The following EP400 variants were observed in gnomAD, a reference collection of about 807,000 sequenced individuals.
EP400 encodes the protein E1A-binding protein p400.
Under a neutral mutation model 354.1 loss-of-function variants are expected in EP400, and 105 were observed. That is an observed-to-expected ratio of 0.30 (90% CI 0.25 to 0.35). The LOEUF (loss-of-function observed/expected upper bound fraction) is 0.35, where lower values mean the gene tolerates loss of function less well. EP400 is among the 10% of genes least tolerant of loss of function. The pLI is 1.00. For synonymous variants in EP400, 1,646 were observed against 1,716.9 expected, an observed-to-expected ratio of 0.96 and a Z score of 1.02; for missense variants, 3,280 against 4,121.0, an observed-to-expected ratio of 0.80 and a Z score of 5.59.
rs759072190 is a variant in EP400 at position 132,053,260 on chromosome 12, A to C, written c.7473+36A>C. 4 of 1,611,792 alleles carry C rather than the reference A, an allele frequency of 2.5e-6. No individual in the cohort carries two copies. The African/African-American group carries it at 5.4e-5, about 22-fold the overall frequency. On this transcript the variant is annotated intron_variant, in intron 42 of 52. Transcript: ENST00000389561. Reference sequence around the variant, plus strand: ...TGGGCCCTTCTGCTTGAGTGGGAAAATGTGGTGACTGTGACTTCATCCAGG... The same window carrying C: ...TGGGCCCTTCTGCTTGAGTGGGAAACTGTGGTGACTGTGACTTCATCCAGG...
In EP400 at chr12:132,067,949, A is replaced by C. The variant is rs6598198; in HGVS notation, c.8874+463A>C. On this transcript the variant is annotated intron_variant, in intron 50 of 52. Transcript: ENST00000389561. This position sits in a 1 kb window ranked among gnomAD's most constrained non-coding sequence, Gnocchi z 5.3. ...CATGTTGGTGGTGAAAGGGGAGATA[A>C]ACACGCCAGGGCCCGACGTGGATGG... 6.3e-6 allele frequency: 1 copy of C among 158,234 alleles called. No homozygotes were observed. 9.8% of individuals were successfully genotyped at this position (158,234 alleles called of 1,614,324 possible).
intron 27 of EP400, 26 bp downstream of exon 27, chr12:132,028,314 G>T: frequency 6.2e-7 from 1 of 1,603,504 alleles, no homozygotes; most frequent in African/African-American, 1.3e-5. Context: ...TGACCTTTTC[G>T]GTGCTCTCTG....
chr12:131,996,550 CG>C (rs1206620693), intron 12 of EP400, among the ~76,000 whole-genome samples: 1 of 152,036 alleles, frequency 6.6e-6, no homozygotes, highest in Non-Finnish European at 1.5e-5. Flanking sequence ...CTCAGCCTCC[CG>C]AAGTGCTGGG....
At chr12:132,030,363 C>T (rs568552631) in intron 29 of EP400, among the ~76,000 whole-genome samples, 1 of 152,296 alleles carries the variant, frequency 6.6e-6, no homozygotes, top group South Asian at 2.1e-4. Context: ...GTCTTGATGT[C>T]TCAGAATAAA....
Position 132,067,525 on chromosome 12 carries a change from C to T in EP400, c.8874+39C>T. The T allele has an allele frequency of 6.3e-7, 1 of 1,591,302 alleles. No homozygotes were observed. Among genetic ancestry groups the T allele is most frequent in the Non-Finnish European group, 8.5e-7 (1 of 1,170,616 alleles). On this transcript the variant is annotated intron_variant, in intron 50 of 52. Transcript: ENST00000389561. The surrounding 1 kb of genome is among the most constrained non-coding windows in gnomAD (Gnocchi z 5.3). Reference sequence around the variant, plus strand: ...GGGATTCTCACTTCTGGGTCTATGCCAAGCCAAAGCTGGCTGCTGGAGGAG... The same window carrying T: ...GGGATTCTCACTTCTGGGTCTATGCTAAGCCAAAGCTGGCTGCTGGAGGAG...
rs35977219 is a variant in EP400, at chr12:131,967,150, G to C, written c.1335+5196G>C. Among the ~76,000 whole-genome samples the C allele has an allele frequency of 1.0e-4, 15 of 150,558 alleles. 1 individual carries two copies. Among genetic ancestry groups the C allele is most frequent in the African/African-American group, 3.4e-4 (14 of 40,958 alleles). The stretch of plus-strand genomic sequence containing the variant: ...ATTCCAGCACTTTGGGAGGCCGAAG[G>C]GGGGCGGATCACTTGAGGTCAGGAG... On this transcript the variant is annotated intron_variant, in intron 2 of 52. Coordinates refer to ENST00000389561, the MANE Select transcript of EP400 (RefSeq NM_015409.5).
At chr12:131,969,239 A>T (rs1441572666) in intron 2 of EP400, among the ~76,000 whole-genome samples, 1 of 152,154 alleles carries the variant, frequency 6.6e-6, no homozygotes, top group Non-Finnish European at 1.5e-5. Context: ...AAATACATCT[A>T]TTGACAGTGA....
intron 2 of EP400, among the ~76,000 whole-genome samples, chr12:131,965,745 C>T (rs1434018816): frequency 2.0e-5 from 3 of 152,192 alleles, no homozygotes; most frequent in Non-Finnish European, 4.4e-5. Context: ...GCTTCTTTCA[C>T]TTAAGATAAT....
At position 132,028,369 on chromosome 12, in the gene EP400, A is replaced by G. The variant is rs866284670; in HGVS notation, c.5381+81A>G. On this transcript the variant is annotated intron_variant, in intron 27 of 52. Transcript: ENST00000389561. ...AGACCCCTTCTTGTCTCGTGGATGT[A>G]CATCTTACTCCCATCGGCTTCTCCC... The G allele has an allele frequency of 2.6e-6, 4 of 1,539,136 alleles. No individual in the cohort carries two copies. The South Asian group carries it at 3.6e-5, about 14-fold the overall frequency.
chr12:132,014,122 G>A (rs961252098), intron 19 of EP400, among the ~76,000 whole-genome samples: 13 of 152,230 alleles, frequency 8.5e-5, no homozygotes, highest in Admixed American at 6.5e-4. Context: ...TGCACTTCCC[G>A]TCTCAGAAGC....
intron 6 of EP400, 131 bp from the exon 7 acceptor site, chr12:131,987,574 C>G: frequency 1.4e-6 from 1 of 719,502 alleles, no homozygotes; most frequent in Non-Finnish European, 2.1e-6. Flanking sequence ...AAACTGGGAC[C>G]TTGTGCTTTC....
At position 132,080,380 on chromosome 12, in the gene EP400, A is replaced by T. The variant is rs1896342614; in HGVS notation, c.*2707A>T. 1 of 152,660 alleles carries T rather than the reference A, an allele frequency of 6.6e-6. No individual in the cohort carries two copies. The highest frequency in any genetic ancestry group is 1.5e-5 in the Non-Finnish European group (1 of 68,042). 9.5% of individuals were successfully genotyped at this position (152,660 alleles called of 1,614,324 possible). A position where few individuals can be genotyped will look rare whatever the true frequency, so the allele number is the denominator to read the frequency against. On this transcript the variant is annotated 3_prime_UTR_variant, in exon 53 of 53. Coordinates refer to ENST00000389561, the MANE Select transcript of EP400 (RefSeq NM_015409.5). ...TTGTAAATACTTTGTAAACATCAGC[A>T]TTTGTACTTGAATAGTAGGATTTTA...
chr12:132,037,810 G>T lies in EP400; in HGVS notation c.6063+17G>T, dbSNP rs781198914. 5.6e-6 allele frequency: 9 copies of T among 1,613,632 alleles called. No homozygotes were observed. Among genetic ancestry groups the T allele is most frequent in the Middle Eastern group, 1.6e-4 (1 of 6,084 alleles). ...TTAACTCAGGTACTCCTTATTCAATGAGAGGCCTGAGGTGAGACCCGCCAT... is the reference window on the plus strand; with the variant it reads ...TTAACTCAGGTACTCCTTATTCAATTAGAGGCCTGAGGTGAGACCCGCCAT... On this transcript the variant is annotated intron_variant, in intron 31 of 52. Coordinates refer to ENST00000389561, the MANE Select transcript of EP400 (RefSeq NM_015409.5).
chr12:132,048,739 T>C lies in EP400; in HGVS notation c.7201-1584T>C, dbSNP rs373945634. Among the ~76,000 whole-genome samples, 23 of 152,220 alleles carry C rather than the reference T, an allele frequency of 1.5e-4. No individual in the cohort carries two copies. In the East Asian group the frequency reaches 4.3e-3, roughly 28 times the overall value. On this transcript the variant is annotated intron_variant, in intron 39 of 52. Coordinates refer to ENST00000389561, the MANE Select transcript of EP400 (RefSeq NM_015409.5). ...GTCCTCTACTGCTAGAGGAATGCCC[T>C]AAATTTCACCAGGTTGGCCAGGCTA...
chr12:131,967,913 G>A (rs933372069), intron 2 of EP400, among the ~76,000 whole-genome samples: 19 of 151,996 alleles, frequency 1.3e-4, no homozygotes, highest in East Asian at 1.2e-3. Context: ...TTTGCTGTTC[G>A]TATATCTTTG....
At chr12:132,069,320 G>A in intron 50 of EP400, 175 bp from the exon 51 acceptor site, 1 of 877,630 alleles carries the variant, frequency 1.1e-6, no homozygotes, top group Non-Finnish European at 1.7e-6. Context: ...GGTAGGCCTG[G>A]AGGCAGCGGC....
rs1004330201 is a variant in EP400 at position 132,045,383 on chromosome 12, C to T, written c.6849C>T (p.Asp2283=). 1.2e-6 allele frequency: 2 copies of T among 1,614,224 alleles called. No homozygotes were observed. The highest frequency in any genetic ancestry group is 1.7e-6 in the Non-Finnish European group (2 of 1,180,046). ...EAVVPPRSLF[D]RATPGLLKIR... is the part of the protein sequence containing the mutation. ...TCGTCCCTCCTCGGTCCCTGTTTGA[C>T]CGCGCAACACCAGGACTTCTGAAAA... is the stretch of plus-strand genomic sequence containing the variant. The change falls in exon 38 of 53, where the codon GAC becomes GAT. Residue 2283 remains aspartate (D), a synonymous_variant. Coordinates refer to ENST00000389561, the MANE Select transcript of EP400 (RefSeq NM_015409.5).
At chr12:132,043,083 G>T (rs781148920) in intron 32 of EP400, among the ~76,000 whole-genome samples, 1 of 152,220 alleles carries the variant, frequency 6.6e-6, no homozygotes, top group Non-Finnish European at 1.5e-5. Context: ...CGATAGTAAG[G>T]TTAGCAAGGC....
At position 132,069,395 on chromosome 12, in the gene EP400, A is replaced by G. The variant is rs914600814; in HGVS notation, c.8875-100A>G. 38 of 1,515,486 alleles carry G rather than the reference A, an allele frequency of 2.5e-5. No individual in the cohort carries two copies. The African/African-American group carries it at 4.6e-4, about 18-fold the overall frequency. 93.9% of individuals were successfully genotyped at this position (1,515,486 alleles called of 1,614,324 possible). Reference sequence around the variant, plus strand: ...GGTTGGTCTGGGAGGTAGGCTGGAAAGGGGCTGGGTTCTGCCATAGGGCCC... The same window carrying G: ...GGTTGGTCTGGGAGGTAGGCTGGAAGGGGGCTGGGTTCTGCCATAGGGCCC... On this transcript the variant is annotated intron_variant, in intron 50 of 52. Coordinates refer to ENST00000389561, the MANE Select transcript of EP400 (RefSeq NM_015409.5).
Sources: allele counts gnomAD v4.1 joint callset (sites outside exome capture counted in the v4.1 genomes callset), GRCh38; gene constraint gnomAD v4.1.1; non-coding constraint Gnocchi (gnomAD v3.1); transcripts MANE v1.5; gene names NCBI Gene and HGNC (gene_info 2026-07-23, HGNC 2026-07-21).